Variants in KIF26B observed in about 807,000 individuals in gnomAD.
The protein encoded by KIF26B is kinesin family member 26B, also known as kinesin-like protein KIF26B.
In KIF26B, 63 loss-of-function variants were observed where a neutral mutation model predicts 151.2. The observed-to-expected ratio is 0.42, with a 90% CI of 0.34 to 0.51. The LOEUF is 0.51. KIF26B is among the 20% of genes least tolerant of loss of function. The probability of loss-of-function intolerance (pLI) is 0.07; values close to 1 mark genes in which losing one functional copy is unlikely to be tolerated. For synonymous variants in KIF26B, 1,357 were observed against 1,262.1 expected (o/e 1.08, Z -1.59); for missense variants, 2,813 against 2,913.6 (o/e 0.97, Z 0.79).
intron 3 of KIF26B, among the ~76,000 whole-genome samples, chr1:245,401,948 AC>A (rs1674012444): frequency 6.6e-6 from 1 of 152,018 alleles, no homozygotes; most frequent in Admixed American, 6.6e-5. Context: ...AACAACAACA[AC>A]AAAAAAAACA....
intron 2 of KIF26B, among the ~76,000 whole-genome samples, chr1:245,223,368 A>C (rs990245089): frequency 3.2e-4 from 48 of 152,220 alleles, no homozygotes; most frequent in African/African-American, 1.1e-3. Flanking sequence ...TGAAATGTAC[A>C]TGCAATGAAA....
intron 3 of KIF26B, among the ~76,000 whole-genome samples, chr1:245,413,155 T>C (rs1093961): frequency 0.67 from 101,952 of 152,080 alleles, 34,949 homozygotes; most frequent in African/African-American, 0.76. Context: ...GACCACCCCG[T>C]GTGTTTTCGG....
At chr1:245,454,041 AGC>A (rs1659457580) in intron 4 of KIF26B, among the ~76,000 whole-genome samples, 1 of 152,200 alleles carries the variant, frequency 6.6e-6, no homozygotes, top group African/African-American at 2.4e-5. Flanking sequence ...ACAAATAAGA[AGC>A]GTGGAAGCTG....
rs938450661 is a variant in KIF26B at position 245,642,510 on chromosome 1, G to A, written c.2099-3611G>A. Among the ~76,000 whole-genome samples, 9 of 143,912 alleles carry A rather than the reference G, an allele frequency of 6.3e-5. No individual in the cohort carries two copies. In the East Asian group the frequency reaches 1.2e-3, roughly 20 times the overall value. 94.4% of individuals were successfully genotyped at this position (143,912 alleles called of 152,430 possible). ...CAGGAGGCAGAGTTTTCAGTGAGCC[G>A]TGATTGCAACACTGCACTCCAGCCT... On this transcript the variant is annotated intron_variant, in intron 9 of 14. Transcript: ENST00000407071.
intron 4 of KIF26B, among the ~76,000 whole-genome samples, chr1:245,457,597 T>A (rs1003965451): frequency 9.2e-5 from 14 of 152,218 alleles, no homozygotes; most frequent in African/African-American, 3.4e-4. Flanking sequence ...CCCCCTTTCA[T>A]CTATAACACA....
In KIF26B at chr1:245,166,644, C is replaced by T. The variant is rs970082924; in HGVS notation, c.465+9961C>T. The stretch of plus-strand genomic sequence containing the variant: ...AGATTTCCTCCAGTGACTGCGCATG[C>T]GATGTGCAGATCTGAGCCGCACCAG... On this transcript the variant is annotated intron_variant, in intron 2 of 14. Transcript: ENST00000407071. The surrounding 1 kb of genome is among the most constrained non-coding windows in gnomAD (Gnocchi z 4.5). 1.1e-4 allele frequency among the ~76,000 whole-genome samples: 17 copies of T among 152,176 alleles called. No individual in the cohort carries two copies. The highest frequency in any genetic ancestry group is 4.1e-4 in the African/African-American group (17 of 41,438).
At chr1:245,329,040 G>A (rs536756630) in intron 2 of KIF26B, among the ~76,000 whole-genome samples, 3 of 152,330 alleles carry the variant, frequency 2.0e-5, no homozygotes, top group Non-Finnish European at 2.9e-5. Context: ...GGATTAAAAT[G>A]AGGGCATCTG....
At chr1:245,532,195 T>A (rs572078099) in intron 4 of KIF26B, among the ~76,000 whole-genome samples, 1 of 151,970 alleles carries the variant, frequency 6.6e-6, no homozygotes, top group South Asian at 2.1e-4. Context: ...CTTCTACAAG[T>A]CCTTGAAGCA....
At chr1:245,409,288 A>G (rs1034051381) in intron 3 of KIF26B, among the ~76,000 whole-genome samples, 1 of 152,240 alleles carries the variant, frequency 6.6e-6, no homozygotes, top group Non-Finnish European at 1.5e-5. Context: ...GAGGAACCCC[A>G]GATAGAGATG....
chr1:245,382,130 T>A (rs1222034317), intron 3 of KIF26B, among the ~76,000 whole-genome samples: 1 of 152,202 alleles, frequency 6.6e-6, no homozygotes, highest in Non-Finnish European at 1.5e-5. Context: ...TTTTAATTTG[T>A]TGGGGAGCCA....
chr1:245,248,033 A>G (rs1670368981), intron 2 of KIF26B, among the ~76,000 whole-genome samples: 1 of 152,132 alleles, frequency 6.6e-6, no homozygotes, highest in African/African-American at 2.4e-5. Flanking sequence ...CAGCACCAAC[A>G]GTGCCAACAC....
At position 245,173,046 on chromosome 1, in the gene KIF26B, A is replaced by G. The variant is rs371165307; in HGVS notation, c.465+16363A>G. Reference sequence around the variant, plus strand: ...TGACTAAGCAAAATGTGGTATATCCATGCAATGGAATAGTATCCAGCCCTA... The same window carrying G: ...TGACTAAGCAAAATGTGGTATATCCGTGCAATGGAATAGTATCCAGCCCTA... On this transcript the variant is annotated intron_variant, in intron 2 of 14. Transcript: ENST00000407071. Among the ~76,000 whole-genome samples, 37 of 152,368 alleles carry G rather than the reference A, an allele frequency of 2.4e-4. No homozygotes were observed. The South Asian group carries it at 7.5e-3, about 31-fold the overall frequency.
In KIF26B at chr1:245,246,912, CAG is replaced by C. The variant is rs1273613132; in HGVS notation, c.465+90231_465+90232del. Among the ~76,000 whole-genome samples the C allele has an allele frequency of 1.2e-3, 171 of 144,596 alleles. 1 individual carries two copies. In the East Asian group the frequency reaches 0.021, roughly 17 times the overall value. 94.9% of individuals were successfully genotyped at this position (144,596 alleles called of 152,430 possible). A position where few individuals can be genotyped will look rare whatever the true frequency, so the allele number is the denominator to read the frequency against. ...ACACACAGACACACACACACAGACACAGACACACACAGACACAGACACACACA... is the reference window on the plus strand; with the variant it reads ...ACACACAGACACACACACACAGACACACACACACAGACACAGACACACACA... On this transcript the variant is annotated intron_variant, in intron 2 of 14. Coordinates refer to ENST00000407071, the MANE Select transcript of KIF26B (RefSeq NM_018012.4).
intron 3 of KIF26B, among the ~76,000 whole-genome samples, chr1:245,412,465 G>A (rs1429148199): frequency 6.6e-6 from 1 of 152,218 alleles, no homozygotes; most frequent in African/African-American, 2.4e-5. Flanking sequence ...TCAGAGGGAG[G>A]TAGCTTTCTG....
At chr1:245,414,204 T>C (rs555328357) in intron 3 of KIF26B, among the ~76,000 whole-genome samples, 1 of 152,332 alleles carries the variant, frequency 6.6e-6, no homozygotes, top group African/African-American at 2.4e-5. Flanking sequence ...ATCTTTGTTA[T>C]AGGTAGCAGC....
intron 4 of KIF26B, among the ~76,000 whole-genome samples, chr1:245,518,011 A>G (rs1376944089): frequency 6.6e-6 from 1 of 151,580 alleles, no homozygotes. Context: ...AGCTGGGATT[A>G]CAGACGCCTG....
intron 5 of KIF26B, among the ~76,000 whole-genome samples, chr1:245,586,936 C>A (rs1192972389): frequency 6.6e-6 from 1 of 151,954 alleles, no homozygotes. Context: ...CTGAGCCCTT[C>A]CCACGTGCCG....
intron 2 of KIF26B, among the ~76,000 whole-genome samples, chr1:245,250,686 C>G (rs1235329631): frequency 2.0e-5 from 3 of 152,194 alleles, no homozygotes; most frequent in Non-Finnish European, 4.4e-5. Flanking sequence ...GATGGAACAT[C>G]TTTTCATAGT....
At chr1:245,461,304 C>CTT (rs796322018) in intron 4 of KIF26B, among the ~76,000 whole-genome samples, 1 of 148,052 alleles carries the variant, frequency 6.8e-6, no homozygotes, top group Non-Finnish European at 1.5e-5. Flanking sequence ...CAATTTTTAT[C>CTT]TTTTTTTTTT....
Sources: allele counts gnomAD v4.1 joint callset (sites outside exome capture counted in the v4.1 genomes callset), GRCh38; gene constraint gnomAD v4.1.1; non-coding constraint Gnocchi (gnomAD v3.1); transcripts MANE v1.5; gene names NCBI Gene and HGNC (gene_info 2026-07-23, HGNC 2026-07-21).